SSH1: variants seen among roughly 807,000 people sequenced by gnomAD.
The protein encoded by SSH1 is protein phosphatase Slingshot homolog 1.
SSH1 carries 43 observed loss-of-function variants against 79.7 expected under a neutral mutation model. The observed-to-expected ratio is 0.54, with a 90% CI of 0.42 to 0.70. The LOEUF (loss-of-function observed/expected upper bound fraction) is 0.70, where lower values mean the gene tolerates loss of function less well. SSH1 is among the 30% of genes least tolerant of loss of function. The probability of loss-of-function intolerance (pLI) is 0.00; values close to 1 mark genes in which losing one functional copy is unlikely to be tolerated. For missense variants in SSH1, 1,206 were observed against 1,358.8 expected (o/e 0.89, Z 1.77); for synonymous variants, 599 against 538.3 (o/e 1.11, Z -1.56).
intron 13 of SSH1, among the ~76,000 whole-genome samples, chr12:108,797,995 T>G (rs1233350167): frequency 6.6e-6 from 1 of 152,182 alleles, no homozygotes; most frequent in African/African-American, 2.4e-5. Flanking sequence ...AAAGGAGTAT[T>G]ATAACACACC....
rs561057573 is a variant in SSH1 at position 108,855,723 on chromosome 12, T to A, written c.69+1705A>T. On this transcript the variant is annotated intron_variant, in intron 1 of 14. Transcript: ENST00000326495. ...AACAGAAAACAGCCCCTCCTCGCTGTGGGAAGGAAAGGCGCTCCTGCAACC... is the reference window on the plus strand; with the variant it reads ...AACAGAAAACAGCCCCTCCTCGCTGAGGGAAGGAAAGGCGCTCCTGCAACC... Among the ~76,000 whole-genome samples, 3 of 152,304 alleles carry A rather than the reference T, an allele frequency of 2.0e-5. No individual in the cohort carries two copies. The East Asian group carries it at 5.8e-4, about 29-fold the overall frequency.
intron 11 of SSH1, among the ~76,000 whole-genome samples, chr12:108,801,571 T>A (rs1392416066): frequency 6.6e-6 from 1 of 151,864 alleles, no homozygotes; most frequent in Non-Finnish European, 1.5e-5. Context: ...CACAGAAGAG[T>A]ATGGCCTTAC....
chr12:108,810,470 C>T (rs1246071207), intron 6 of SSH1, among the ~76,000 whole-genome samples: 2 of 151,082 alleles, frequency 1.3e-5, no homozygotes, highest in Non-Finnish European at 1.5e-5. Flanking sequence ...TGCAGTGAGC[C>T]GAGATCGTAC....
chr12:108,804,979 C>T (rs1042360219), intron 10 of SSH1, 77 bp downstream of exon 10: 1 of 1,569,936 alleles, frequency 6.4e-7, no homozygotes, highest in African/African-American at 1.4e-5. Context: ...TTCTCCCGGA[C>T]TTGCTACAAA....
Position 108,850,680 on chromosome 12 carries a change from G to C in SSH1, c.110+1958C>G, listed in dbSNP as rs1183772114. Among the ~76,000 whole-genome samples, 10 of 92,908 alleles carry C rather than the reference G, an allele frequency of 1.1e-4. No homozygotes were observed. In the East Asian group the frequency reaches 2.9e-3, roughly 27 times the overall value. 61.0% of individuals were successfully genotyped at this position (92,908 alleles called of 152,430 possible). A position where few individuals can be genotyped will look rare whatever the true frequency, so the allele number is the denominator to read the frequency against. On this transcript the variant is annotated intron_variant, in intron 2 of 14. Transcript: ENST00000326495. ...GATTGGGGAGGGATGGTTAGGGATG[G>C]GATCTAGGGAGGGGATTTGGGGGAG...
chr12:108,851,486 T>A (rs956869248), intron 2 of SSH1, among the ~76,000 whole-genome samples: 1 of 152,054 alleles, frequency 6.6e-6, no homozygotes, highest in Non-Finnish European at 1.5e-5. Context: ...TTCCTGAAAA[T>A]TTATTTACTT....
At chr12:108,854,763 G>A (rs971856721) in intron 1 of SSH1, among the ~76,000 whole-genome samples, 11 of 152,208 alleles carry the variant, frequency 7.2e-5, no homozygotes, top group Non-Finnish European at 1.3e-4. Context: ...AGGAACACAT[G>A]AAAGAGGTAA....
At chr12:108,830,060 C>G (rs2038435789) in intron 2 of SSH1, among the ~76,000 whole-genome samples, 1 of 152,082 alleles carries the variant, frequency 6.6e-6, no homozygotes, top group South Asian at 2.1e-4. Flanking sequence ...TGAGCTGTGA[C>G]CACACCACTG....
rs1291476520 is a variant in SSH1 at position 108,779,914 on chromosome 12, A to T, written c.*8074T>A. On this transcript the variant is annotated 3_prime_UTR_variant, in exon 15 of 15. Transcript: ENST00000326495. ...GGTCTTGAGCTTCTGACCTCAAGTG[A>T]TCCACCTGCCTTGGCTTCCCAAAGT... The T allele has an allele frequency of 6.6e-6, 1 of 152,210 alleles. No individual in the cohort carries two copies. Among genetic ancestry groups the T allele is most frequent in the Admixed American group, 6.5e-5 (1 of 15,272 alleles). The allele number at this position is 152,210 out of a possible 1,614,324, so 9.4% of individuals were successfully genotyped here.
intron 5 of SSH1, among the ~76,000 whole-genome samples, chr12:108,812,308 G>A (rs968237943): frequency 1.3e-5 from 2 of 152,214 alleles, no homozygotes; most frequent in African/African-American, 4.8e-5. Context: ...TAGGGACCAC[G>A]TGGCTGTGTC....
chr12:108,843,148 G>C (rs1233602575), intron 2 of SSH1, among the ~76,000 whole-genome samples: 3 of 152,128 alleles, frequency 2.0e-5, no homozygotes, highest in African/African-American at 7.2e-5. Flanking sequence ...TTGGCACACA[G>C]TAGGAGCTCA....
In SSH1 at chr12:108,789,217, T is replaced by G; in HGVS notation, c.1921A>C (p.Lys641Gln). ...EDDAIFGILN[K>Q]VKPSYKSCAD... ...CAGGATTTATAGGAAGGCTTCACTT[T>G]GTTAAGGATCCCAAATATAGCATCA... Residue 641 changes from lysine to glutamine, a missense_variant, in exon 15 of 15, where the codon AAA becomes CAA. Lys to Gln is a moderately conservative substitution (Grantham distance 53, BLOSUM62 1). This residue lies in a region of SSH1 where 709 missense variants were observed against 730.6 expected (regional missense o/e 0.97). Transcript: ENST00000326495. 6.2e-7 allele frequency: 1 copy of G among 1,602,624 alleles called. No homozygotes were observed. Among genetic ancestry groups the G allele is most frequent in the Admixed American group, 1.7e-5 (1 of 57,628 alleles).
intron 3 of SSH1, among the ~76,000 whole-genome samples, chr12:108,818,795 C>T (rs988245808): frequency 3.3e-5 from 5 of 152,156 alleles, no homozygotes; most frequent in African/African-American, 1.2e-4. Context: ...GCACTGTCAC[C>T]CAGGCTGGAG....
chr12:108,830,930 C>T (rs1391674983), intron 2 of SSH1, among the ~76,000 whole-genome samples: 1 of 151,806 alleles, frequency 6.6e-6, no homozygotes, highest in Non-Finnish European at 1.5e-5. Context: ...CAGCTGTGAG[C>T]CACCGAGACC....
chr12:108,822,658 A>C (rs1233343635), intron 3 of SSH1, among the ~76,000 whole-genome samples: 2 of 152,180 alleles, frequency 1.3e-5, no homozygotes, highest in Non-Finnish European at 2.9e-5. Context: ...TTCAGCTCTG[A>C]GTCAAGTCTC....
rs2039167840 is a variant in SSH1, at chr12:108,857,435, T to C, written c.62A>G (p.Asn21Ser). ...TPSAASSSASNSELEAGSEED... is the reference protein window; with the variant it reads ...TPSAASSSASSSELEAGSEED... ...GGCGAGCCCGGGGCTCACCTCGCTG[T>C]TGCTGGCCGAGGAGGAGGCGGCGCT... is the stretch of plus-strand genomic sequence containing the variant. Residue 21 changes from asparagine to serine, a missense_variant, in exon 1 of 15, where the codon AAC becomes AGC. By Grantham distance (46) the Asn-to-Ser change is conservative. Around this residue, in one of 5 missense-constraint regions of SSH1, gnomAD observed 100 missense variants for 82.3 expected, o/e 1.21. Transcript: ENST00000326495. This position sits in a 1 kb window ranked among gnomAD's most constrained non-coding sequence, Gnocchi z 4.7. 7 of 1,103,226 alleles carry C rather than the reference T, an allele frequency of 6.3e-6. No homozygotes were observed. The highest frequency in any genetic ancestry group is 7.9e-6 in the Non-Finnish European group (7 of 890,770). The allele number at this position is 1,103,226 out of a possible 1,614,324, so 68.3% of individuals were successfully genotyped here. A position where few individuals can be genotyped will look rare whatever the true frequency, so the allele number is the denominator to read the frequency against.
intron 5 of SSH1, among the ~76,000 whole-genome samples, chr12:108,814,529 C>A (rs1317603307): frequency 2.0e-5 from 3 of 152,042 alleles, no homozygotes; most frequent in Admixed American, 1.3e-4. Flanking sequence ...AGGAGAAGGC[C>A]CAGTTCCCAG....
chr12:108,801,052 G>C (rs539702395), intron 11 of SSH1, 126 bp from the exon 12 acceptor site: 4 of 978,992 alleles, frequency 4.1e-6, no homozygotes, highest in Non-Finnish European at 6.1e-6. Flanking sequence ...TGTTCGTGGC[G>C]GGACTTTGGT....
intron 7 of SSH1, 37 bp downstream of exon 7, chr12:108,809,656 T>C: frequency 6.4e-7 from 1 of 1,565,454 alleles, no homozygotes; most frequent in Non-Finnish European, 8.8e-7. Flanking sequence ...TAAGAAAATA[T>C]TTCTAGGGAG....
Sources: gnomAD v4.1 joint callset for allele counts (sites outside exome capture counted in the v4.1 genomes callset) on GRCh38, gnomAD v4.1.1 for gene constraint, gnomAD v4.1.1 regional missense constraint, Gnocchi (gnomAD v3.1) non-coding constraint, MANE v1.5 for transcripts, NCBI Gene and HGNC (gene_info 2026-07-23, HGNC 2026-07-21) for gene names.